The following FAM83E variants were observed in gnomAD, a reference collection of about 807,000 sequenced individuals.
FAM83E encodes scaffolding CK1 anchoring protein E.
A neutral mutation model predicts 34.3 loss-of-function variants in FAM83E; 29 were observed. The ratio of observed to expected loss-of-function variants is 0.85; its 90% CI spans 0.63 to 1.15. The LOEUF (loss-of-function observed/expected upper bound fraction) is 1.15, where lower values mean the gene tolerates loss of function less well. FAM83E is among the 50% of genes most tolerant of loss of function. The pLI, the probability that FAM83E is intolerant of heterozygous loss-of-function variation, is 0.00. For synonymous variants in FAM83E, 312 were observed against 311.6 expected (o/e 1.00, Z -0.01); for missense variants, 697 against 685.0 (o/e 1.02, Z -0.20).
In FAM83E at chr19:48,601,071, T is replaced by G. The variant is rs761216243; in HGVS notation, c.*38A>C. 13 of 1,585,258 alleles carry G rather than the reference T, an allele frequency of 8.2e-6. No homozygotes were observed. In the Admixed American group the frequency reaches 1.1e-4, roughly 13 times the overall value. The stretch of plus-strand genomic sequence containing the variant: ...TGAGCCGACAGTTGTCCGGCACTGC[T>G]CCTTGGGTGGGCCAGCAGATTTGGC... On this transcript the variant is annotated 3_prime_UTR_variant, in exon 7 of 7. Coordinates refer to ENST00000263266, the MANE Select transcript of FAM83E (RefSeq NM_017708.4).
At position 48,603,622 on chromosome 19, in the gene FAM83E, G is replaced by C; in HGVS notation, c.1048C>G (p.Leu350Val). 1.4e-6 allele frequency: 2 copies of C among 1,425,978 alleles called. No individual in the cohort carries two copies. The highest frequency in any genetic ancestry group is 1.8e-6 in the Non-Finnish European group (2 of 1,090,408). The allele number at this position is 1,425,978 out of a possible 1,614,324, so 88.3% of individuals were successfully genotyped here. Residue 350 changes from leucine (L) to valine (V), a missense_variant, in exon 6 of 7, where the codon CTC (leucine) becomes GTC (valine). Physicochemically the swap from Leu to Val is conservative, Grantham distance 32. Transcript: ENST00000263266. ...TGCACACTCCTTAGAATGTCACTGA[G>C]TGCCGGCCCCGGGGTAGCAGGGGAG... ...RVSPATPGPA[L>V]SDILRSVQRA...
At chr19:48,602,716 T>A (rs1363888385) in intron 6 of FAM83E, among the ~76,000 whole-genome samples, 1,581 of 11,434 alleles carry the variant, frequency 0.14, 321 homozygotes, top group East Asian at 0.25. Flanking sequence ...TATATATATA[T>A]ATATATATAT....
Position 48,610,957 on chromosome 19 carries a change from G to T in FAM83E, c.466-110C>A. On this transcript the variant is annotated intron_variant, in intron 3 of 6. Coordinates refer to ENST00000263266, the MANE Select transcript of FAM83E (RefSeq NM_017708.4). Reference sequence around the variant, plus strand: ...GAATCTGGGAGTAAAGTGCTCTGGGGGCTGGGAGTTTAAAGTTCAGGTGGG... The same window carrying T: ...GAATCTGGGAGTAAAGTGCTCTGGGTGCTGGGAGTTTAAAGTTCAGGTGGG... 1.7e-6 allele frequency: 2 copies of T among 1,155,396 alleles called. 1 individual carries two copies. 71.6% of individuals were successfully genotyped at this position (1,155,396 alleles called of 1,614,324 possible). A position where few individuals can be genotyped will look rare whatever the true frequency, so the allele number is the denominator to read the frequency against.
intron 4 of FAM83E, 142 bp from the exon 5 acceptor site, chr19:48,610,142 T>A: frequency 8.8e-7 from 1 of 1,136,200 alleles, no homozygotes; most frequent in Non-Finnish European, 1.2e-6. Flanking sequence ...CTCACACTTG[T>A]AATCCCAGCA....
chr19:48,609,050 G>T (rs1183605952), intron 5 of FAM83E, among the ~76,000 whole-genome samples: 1 of 151,978 alleles, frequency 6.6e-6, no homozygotes, highest in African/African-American at 2.4e-5. Flanking sequence ...GAGGGACCTG[G>T]TTCTAGAGGC....
chr19:48,607,469 GC>G, intron 5 of FAM83E: 1 of 1,364,286 alleles, frequency 7.3e-7, no homozygotes, highest in Non-Finnish European at 9.9e-7. Flanking sequence ...TGCGGCCCTG[GC>G]TTCATCCCTT....
intron 6 of FAM83E, among the ~76,000 whole-genome samples, chr19:48,602,373 G>T (rs997768493): frequency 1.3e-5 from 2 of 151,172 alleles, no homozygotes; most frequent in African/African-American, 2.4e-5. Flanking sequence ...AGGTAAGGAG[G>T]ACGGTGTGGG....
chr19:48,612,576 G>A (rs1974061478), intron 3 of FAM83E, among the ~76,000 whole-genome samples: 1 of 152,006 alleles, frequency 6.6e-6, no homozygotes, highest in Non-Finnish European at 1.5e-5. Context: ...GCTAATTTTT[G>A]TATTTTTAGT....
rs1473936505 is a variant in FAM83E, at chr19:48,613,914, C to A, written c.-542G>T. On this transcript the variant is annotated 5_prime_UTR_variant, in exon 3 of 7. Coordinates refer to ENST00000263266, the MANE Select transcript of FAM83E (RefSeq NM_017708.4). ...AAGGCACGACAGGTTGCCTGCCTGCCCCCGGCCAAGAGCACGACGAACTGA... is the reference window on the plus strand; with the variant it reads ...AAGGCACGACAGGTTGCCTGCCTGCACCCGGCCAAGAGCACGACGAACTGA... The A allele has an allele frequency of 2.0e-6, 2 of 985,324 alleles. No individual in the cohort carries two copies. Among genetic ancestry groups the A allele is most frequent in the Non-Finnish European group, 2.4e-6 (2 of 829,942 alleles). 61.0% of individuals were successfully genotyped at this position (985,324 alleles called of 1,614,324 possible). A position where few individuals can be genotyped will look rare whatever the true frequency, so the allele number is the denominator to read the frequency against.
intron 4 of FAM83E, 87 bp from the exon 5 acceptor site, chr19:48,610,087 A>AC (rs1459035651): frequency 1.3e-6 from 2 of 1,511,804 alleles, no homozygotes; most frequent in African/African-American, 2.7e-5. Context: ...TAACTGGGGG[A>AC]CCCATGACTC....
chr19:48,601,117 GC>G lies in FAM83E; in HGVS notation c.1428del (p.Gln477AsnfsTer64), dbSNP rs755929901. 131 of 1,610,674 alleles carry G rather than the reference GC, an allele frequency of 8.1e-5. 1 individual carries two copies. In the South Asian group the frequency reaches 9.8e-4, roughly 12 times the overall value. On this transcript the variant is annotated frameshift_variant, in exon 7 of 7. Transcript: ENST00000263266. LOFTEE classifies it high-confidence loss of function. The stretch of plus-strand genomic sequence containing the variant: ...TTGGCTTGGGCTCCTGTTCAGGGTT[GC>G]CCCCCAAGTCCTGCCCGGGGGGCCC... ...SDWAPRAGLGGQP is the reference protein window; with the variant it reads ...SDWAPRAGLGXQP
intron 5 of FAM83E, among the ~76,000 whole-genome samples, chr19:48,606,286 G>C (rs1407351005): frequency 6.6e-6 from 1 of 152,210 alleles, no homozygotes; most frequent in Non-Finnish European, 1.5e-5. Context: ...ACTCCAGCCT[G>C]GGTGACAGAG....
chr19:48,601,214 TG>T lies in FAM83E; in HGVS notation c.1331del (p.Pro444GlnfsTer97). The T allele has an allele frequency of 2.5e-6, 4 of 1,610,796 alleles. No individual in the cohort carries two copies. The highest frequency in any genetic ancestry group is 3.4e-6 in the Non-Finnish European group (4 of 1,178,070). The stretch of plus-strand genomic sequence containing the variant: ...CATCCCCACCGAACCGCCTTCGGGC[TG>T]GGGACAGATAGCGGAGGCGGTGGGC... ...PPAHRLRYLS[P>X]ARRRFGGDAT... On this transcript the variant is annotated frameshift_variant, in exon 7 of 7. Transcript: ENST00000263266. LOFTEE classifies it low-confidence loss of function (END_TRUNC).
At chr19:48,607,551 C>A in intron 5 of FAM83E, 1 of 690,188 alleles carries the variant, frequency 1.4e-6, no homozygotes, top group Non-Finnish European at 2.4e-6. Flanking sequence ...CAGGGGAGCA[C>A]GGCCCGTGGG....
chr19:48,610,854 A>G lies in FAM83E; in HGVS notation c.466-7T>C. 1 of 1,588,504 alleles carries G rather than the reference A, an allele frequency of 6.3e-7. No homozygotes were observed. Among genetic ancestry groups the G allele is most frequent in the Non-Finnish European group, 8.6e-7 (1 of 1,167,410 alleles). ...CCATGACCACGGCCACCAGCTGGGC[A>G]TGGGGAGAGGGGCGGTGGGCTTGTG... is the stretch of plus-strand genomic sequence containing the variant. On this transcript the variant is annotated splice_polypyrimidine_tract_variant and splice_region_variant and intron_variant, in intron 3 of 6. Coordinates refer to ENST00000263266, the MANE Select transcript of FAM83E (RefSeq NM_017708.4).
At position 48,603,797 on chromosome 19, in the gene FAM83E, G is replaced by A. The variant is rs369917515; in HGVS notation, c.873C>T (p.Leu291=). Residue 291 remains leucine (L), a synonymous_variant, in exon 6 of 7, where the codon CTC becomes CTT. Transcript: ENST00000263266. ...FRTLYAASCP[L]PPAPPQKPSV... ...AGGGTTTCTGGGGGGGCGCAGGTGGGAGCGGGCAGGAGGCCGCGTACAGCG... is the reference window on the plus strand; with the variant it reads ...AGGGTTTCTGGGGGGGCGCAGGTGGAAGCGGGCAGGAGGCCGCGTACAGCG... 1.5e-5 allele frequency: 24 copies of A among 1,597,428 alleles called. 2 individuals are homozygous for A. The African/African-American group carries it at 1.6e-4, about 11-fold the overall frequency.
rs77090651 is a variant in FAM83E at position 48,609,566 on chromosome 19, G to C, written c.758+310C>G. Among the ~76,000 whole-genome samples the C allele has an allele frequency of 6.7e-3, 1,023 of 152,120 alleles. 26 individuals are homozygous for C. The highest frequency in any genetic ancestry group is 0.043 in the Admixed American group (663 of 15,266). ...CTCAGAGAGGTGGAGTTATTTACCC[G>C]AGGCAGAGCTTAGATCCCAATCCAG... is the stretch of plus-strand genomic sequence containing the variant. On this transcript the variant is annotated intron_variant, in intron 5 of 6. Coordinates refer to ENST00000263266, the MANE Select transcript of FAM83E (RefSeq NM_017708.4).
rs1973795148 is a variant in FAM83E, at chr19:48,600,669, A to G, written c.*440T>C. On this transcript the variant is annotated 3_prime_UTR_variant, in exon 7 of 7. Coordinates refer to ENST00000263266, the MANE Select transcript of FAM83E (RefSeq NM_017708.4). ...TTTTTTCTTTTTTTTTTTTTTTTAA[A>G]GAGATGGCCTCTCACTGTGTTGCCC... is the stretch of plus-strand genomic sequence containing the variant. 1 of 142,720 alleles carries G rather than the reference A, an allele frequency of 7.0e-6. No homozygotes were observed. 8.8% of individuals were successfully genotyped at this position (142,720 alleles called of 1,614,324 possible).
intron 5 of FAM83E, chr19:48,607,076 AG>A (rs773028217): frequency 1.9e-6 from 3 of 1,613,244 alleles, no homozygotes; most frequent in Non-Finnish European, 2.5e-6. Context: ...GACTCCATGC[AG>A]TGTCCTGGTA....
Sources: gnomAD v4.1 joint callset for allele counts (sites outside exome capture counted in the v4.1 genomes callset) on GRCh38, gnomAD v4.1.1 for gene constraint, MANE v1.5 for transcripts, NCBI Gene and HGNC (gene_info 2026-07-23, HGNC 2026-07-21) for gene names.